Variants in ZSWIM5 observed in about 807,000 individuals in gnomAD.
ZSWIM5 encodes the protein zinc finger SWIM domain-containing protein 5.
A neutral mutation model predicts 119.6 loss-of-function variants in ZSWIM5; 55 were observed. The ratio of observed to expected loss-of-function variants is 0.46; its 90% CI spans 0.37 to 0.58. ZSWIM5 has a LOEUF of 0.58. Ranked by LOEUF, ZSWIM5 falls within the 20% of genes least tolerant of loss-of-function variation. The probability of loss-of-function intolerance (pLI) is 0.00; values close to 1 mark genes in which losing one functional copy is unlikely to be tolerated. For missense variants in ZSWIM5, 1,193 were observed against 1,512.8 expected, an observed-to-expected ratio of 0.79 and a Z score of 3.51; for synonymous variants, 537 against 606.9, an observed-to-expected ratio of 0.88 and a Z score of 1.69.
intron 1 of ZSWIM5, among the ~76,000 whole-genome samples, chr1:45,164,184 G>T (rs1387183831): frequency 6.6e-6 from 1 of 152,142 alleles, no homozygotes; most frequent in Non-Finnish European, 1.5e-5. Flanking sequence ...TTAAAGAAAA[G>T]AATTTTCAAC....
chr1:45,046,107 A>ACT (rs1645053036), intron 5 of ZSWIM5, among the ~76,000 whole-genome samples: 2 of 152,114 alleles, frequency 1.3e-5, no homozygotes, highest in Admixed American at 1.3e-4. Context: ...TAGATCATGG[A>ACT]GGGCCATGTA....
At chr1:45,104,587 A>T (rs889102621) in intron 1 of ZSWIM5, among the ~76,000 whole-genome samples, 2 of 152,226 alleles carry the variant, frequency 1.3e-5, no homozygotes, top group Non-Finnish European at 2.9e-5. Flanking sequence ...ACACTGGGTG[A>T]GGGTGCGAGA....
chr1:45,095,788 T>C (rs1003021675), intron 1 of ZSWIM5, among the ~76,000 whole-genome samples: 2 of 152,334 alleles, frequency 1.3e-5, no homozygotes, highest in East Asian at 3.9e-4. Flanking sequence ...TCATTGATGA[T>C]TGTTGCCTTG....
chr1:45,022,134 A>T (rs1196784118), intron 11 of ZSWIM5, among the ~76,000 whole-genome samples: 4 of 148,900 alleles, frequency 2.7e-5, no homozygotes, highest in African/African-American at 1.0e-4. Flanking sequence ...ATTTTATTTT[A>T]TTTTATTTTT....
At chr1:45,160,116 G>C (rs1645854263) in intron 1 of ZSWIM5, among the ~76,000 whole-genome samples, 1 of 152,112 alleles carries the variant, frequency 6.6e-6, no homozygotes, top group African/African-American at 2.4e-5. Flanking sequence ...TGAAACCAAA[G>C]TATTTGAGAC....
chr1:45,165,821 A>G (rs1424729172), intron 1 of ZSWIM5, among the ~76,000 whole-genome samples: 1 of 152,162 alleles, frequency 6.6e-6, no homozygotes, highest in Non-Finnish European at 1.5e-5. Context: ...TGAGGCAATA[A>G]TTAATAGCCT....
At chr1:45,204,328 A>G (rs1249577598) in intron 1 of ZSWIM5, among the ~76,000 whole-genome samples, 1 of 152,148 alleles carries the variant, frequency 6.6e-6, no homozygotes, top group East Asian at 1.9e-4. Context: ...GATTGTATTT[A>G]TTTTCATGTT....
In ZSWIM5 at chr1:45,020,684, G is replaced by A; in HGVS notation, c.2554C>T (p.Pro852Ser). 4 of 1,614,146 alleles carry A rather than the reference G, an allele frequency of 2.5e-6. No homozygotes were observed. The highest frequency in any genetic ancestry group is 4.5e-5 in the East Asian group (2 of 44,884). The change falls in exon 12 of 14, where the codon CCC becomes TCC. Residue 852 changes from proline (P) to serine (S), a missense_variant. By Grantham distance (74) the Pro-to-Ser change is moderately conservative (BLOSUM62 -1). Around this residue, in one of 2 missense-constraint regions of ZSWIM5, gnomAD observed 961 missense variants for 1,290.0 expected, o/e 0.74. Coordinates refer to ENST00000359600, the MANE Select transcript of ZSWIM5 (RefSeq NM_020883.2). ...LAQDAFKIAT[P>S]TDSSTDSTLL... is the part of the protein sequence containing the mutation. ...GTGCTGTCAGTACTACTGTCGGTGG[G>A]AGTAGCAATCTTGAATGCATCTTGG...
chr1:45,141,248 C>A lies in ZSWIM5; in HGVS notation c.596-53011G>T, dbSNP rs537657142. Among the ~76,000 whole-genome samples the A allele has an allele frequency of 5.9e-5, 9 of 152,282 alleles. No homozygotes were observed. In the East Asian group the frequency reaches 1.5e-3, roughly 26 times the overall value. On this transcript the variant is annotated intron_variant, in intron 1 of 13. Coordinates refer to ENST00000359600, the MANE Select transcript of ZSWIM5 (RefSeq NM_020883.2). Reference sequence around the variant, plus strand: ...TAGTTCTAAGAGGATGAGACCAATTCTCACTCTGTCTTTTTCTGTTTTCCT... The same window carrying A: ...TAGTTCTAAGAGGATGAGACCAATTATCACTCTGTCTTTTTCTGTTTTCCT...
At chr1:45,037,696 G>C (rs981604995) in intron 8 of ZSWIM5, among the ~76,000 whole-genome samples, 2 of 152,210 alleles carry the variant, frequency 1.3e-5, no homozygotes, top group African/African-American at 4.8e-5. Flanking sequence ...GGATCAGAGG[G>C]AAGATAAGGA....
chr1:45,031,372 T>C (rs1644952395), intron 11 of ZSWIM5, among the ~76,000 whole-genome samples: 1 of 150,938 alleles, frequency 6.6e-6, no homozygotes, highest in Non-Finnish European at 1.5e-5. Context: ...TTGGTAGAGA[T>C]GGAGTTTTAG....
intron 9 of ZSWIM5, 56 bp downstream of exon 9, chr1:45,035,983 G>T: frequency 6.3e-7 from 1 of 1,586,618 alleles, no homozygotes; most frequent in Non-Finnish European, 8.6e-7. Context: ...TATTGGAGAG[G>T]GGAGCTCAGG....
chr1:45,052,122 C>T (rs892579378), intron 4 of ZSWIM5, among the ~76,000 whole-genome samples: 4 of 151,308 alleles, frequency 2.6e-5, no homozygotes, highest in Admixed American at 2.6e-4. Flanking sequence ...CCAGCCTCAG[C>T]GCCCCCCCTC....
At chr1:45,195,148 A>G (rs370326703) in intron 1 of ZSWIM5, among the ~76,000 whole-genome samples, 10 of 152,206 alleles carry the variant, frequency 6.6e-5, no homozygotes, top group African/African-American at 2.4e-4. Flanking sequence ...CGCCATTTTT[A>G]TATGTACATT....
At chr1:45,184,919 C>T (rs1646047572) in intron 1 of ZSWIM5, among the ~76,000 whole-genome samples, 1 of 150,496 alleles carries the variant, frequency 6.6e-6, no homozygotes, top group Admixed American at 6.6e-5. Flanking sequence ...CATATGGAAC[C>T]AAAAAAGAGC....
At chr1:45,039,122 T>C in intron 7 of ZSWIM5, 49 bp from the exon 8 acceptor site, 1 of 1,602,346 alleles carries the variant, frequency 6.2e-7, no homozygotes, top group Middle Eastern at 1.7e-4. Context: ...GACAAACTGC[T>C]GTCTGTCCCT....
intron 1 of ZSWIM5, among the ~76,000 whole-genome samples, chr1:45,162,812 AGCT>A (rs946125275): frequency 1.3e-5 from 2 of 152,226 alleles, no homozygotes; most frequent in African/African-American, 4.8e-5. Context: ...AGGTAAGCAA[AGCT>A]GCCAGGAAGC....
At chr1:45,048,109 G>T (rs1645068189) in intron 5 of ZSWIM5, among the ~76,000 whole-genome samples, 1 of 137,480 alleles carries the variant, frequency 7.3e-6, no homozygotes, top group Non-Finnish European at 1.6e-5. Context: ...TTTGAGACAG[G>T]GTCTCATTTT....
At chr1:45,090,490 G>A (rs547740760) in intron 1 of ZSWIM5, among the ~76,000 whole-genome samples, 2 of 152,184 alleles carry the variant, frequency 1.3e-5, no homozygotes, top group East Asian at 3.9e-4. Flanking sequence ...TGGCTCAGGT[G>A]CTGTAATCCC....
Sources: gnomAD v4.1 joint callset for allele counts (sites outside exome capture counted in the v4.1 genomes callset) on GRCh38, gnomAD v4.1.1 for gene constraint, gnomAD v4.1.1 regional missense constraint, MANE v1.5 for transcripts, NCBI Gene and HGNC (gene_info 2026-07-23, HGNC 2026-07-21) for gene names.